Variants in POLR3B observed in about 807,000 individuals in gnomAD.
POLR3B encodes DNA-directed RNA polymerase III subunit RPC2.
POLR3B carries 96 observed loss-of-function variants against 147.4 expected under a neutral mutation model. The ratio of observed to expected loss-of-function variants is 0.65; its 90% CI spans 0.55 to 0.77. The LOEUF is 0.77. Ranked by LOEUF, POLR3B falls within the 30% of genes least tolerant of loss-of-function variation. POLR3B has a pLI of 0.00. For synonymous variants in POLR3B, 461 were observed against 485.9 expected (o/e 0.95, Z 0.67); for missense variants, 1,036 against 1,413.5 (o/e 0.73, Z 4.28).
At chr12:106,377,709 A>C (rs1267282241) in intron 7 of POLR3B, among the ~76,000 whole-genome samples, 1 of 152,156 alleles carries the variant, frequency 6.6e-6, no homozygotes, top group African/African-American at 2.4e-5. Flanking sequence ...GGGGCGGGTG[A>C]TTCATAGACC....
chr12:106,392,629 T>C (rs1340234246), intron 9 of POLR3B, among the ~76,000 whole-genome samples: 1 of 152,216 alleles, frequency 6.6e-6, no homozygotes, highest in Non-Finnish European at 1.5e-5. Flanking sequence ...ACAAGACTGA[T>C]TGGGGTTCTG....
intron 10 of POLR3B, among the ~76,000 whole-genome samples, chr12:106,396,131 T>G (rs1277513944): frequency 2.0e-5 from 3 of 152,214 alleles, no homozygotes; most frequent in Non-Finnish European, 4.4e-5. Flanking sequence ...GCATGTTATC[T>G]TGGCCTTTGC....
intron 23 of POLR3B, among the ~76,000 whole-genome samples, chr12:106,472,866 A>C (rs1239075537): frequency 7.5e-6 from 1 of 133,744 alleles, no homozygotes; most frequent in Non-Finnish European, 1.6e-5. Context: ...TCTTTAGTTT[A>C]ATGAGATCCC....
intron 5 of POLR3B, 77 bp from the exon 6 acceptor site, chr12:106,369,506 A>G (rs766518941): frequency 8.7e-6 from 9 of 1,037,806 alleles, no homozygotes; most frequent in Non-Finnish European, 1.4e-5. Flanking sequence ...ATTCTACTAC[A>G]GAAGGAGCAC....
chr12:106,477,268 C>T (rs1160587879), intron 23 of POLR3B, among the ~76,000 whole-genome samples: 1 of 103,166 alleles, frequency 9.7e-6, no homozygotes, highest in Non-Finnish European at 1.9e-5. Context: ...CTGCTCTCTT[C>T]AAAGCTGTCA....
intron 1 of POLR3B, among the ~76,000 whole-genome samples, chr12:106,361,195 T>C (rs1345041363): frequency 1.3e-5 from 2 of 152,034 alleles, no homozygotes; most frequent in East Asian, 3.9e-4. Flanking sequence ...GGAAGAGTAG[T>C]AAGGAAGTAT....
Position 106,430,387 on chromosome 12 carries a change from G to T in POLR3B, c.1378G>T (p.Glu460Ter), listed in dbSNP as rs370169112. ...GMMTRISSQF[E>*]KTRKVSGPRS... Reference sequence around the variant, plus strand: ...GATGACAAGAATCTCTTCCCAGTTTGAAAAAACGAGAAAAGTGAGTGGTCC... The same window carrying T: ...GATGACAAGAATCTCTTCCCAGTTTTAAAAAACGAGAAAAGTGAGTGGTCC... Residue 460 changes from glutamate to a stop codon, truncating the protein, a stop_gained, in exon 14 of 28, where the codon GAA becomes TAA. Transcript: ENST00000228347. LOFTEE classifies it high-confidence loss of function. 1 of 1,613,788 alleles carries T rather than the reference G, an allele frequency of 6.2e-7. No homozygotes were observed. Among genetic ancestry groups the T allele is most frequent in the African/African-American group, 1.3e-5 (1 of 74,888 alleles).
chr12:106,383,222 G>C (rs1855279172), intron 9 of POLR3B, among the ~76,000 whole-genome samples: 2 of 152,074 alleles, frequency 1.3e-5, no homozygotes, highest in African/African-American at 4.8e-5. Context: ...TGTTGTGGCT[G>C]GTTTGCTCTT....
At chr12:106,491,933 A>G (rs2038412269) in intron 23 of POLR3B, among the ~76,000 whole-genome samples, 1 of 152,208 alleles carries the variant, frequency 6.6e-6, no homozygotes, top group Non-Finnish European at 1.5e-5. Flanking sequence ...GACTTGCTAA[A>G]TAAAAATGTA....
chr12:106,420,886 C>G (rs2037365283), intron 12 of POLR3B, among the ~76,000 whole-genome samples: 1 of 152,102 alleles, frequency 6.6e-6, no homozygotes, highest in Non-Finnish European at 1.5e-5. Flanking sequence ...TATGTACCCC[C>G]TACTCCATTC....
chr12:106,405,999 GAAT>G (rs2037146396), intron 11 of POLR3B, 23 bp downstream of exon 11: 1 of 1,611,630 alleles, frequency 6.2e-7, no homozygotes, highest in African/African-American at 1.3e-5. Flanking sequence ...TCGTTATTGT[GAAT>G]AAGGACTGTG....
intron 10 of POLR3B, among the ~76,000 whole-genome samples, chr12:106,398,925 C>T (rs763472886): frequency 6.6e-6 from 1 of 152,156 alleles, no homozygotes; most frequent in African/African-American, 2.4e-5. Context: ...AATCACAGCA[C>T]CTCTCCTCCT....
chr12:106,429,169 C>CT lies in POLR3B; in HGVS notation c.1264-1096dup, dbSNP rs201211005. On this transcript the variant is annotated intron_variant, in intron 13 of 27. Coordinates refer to ENST00000228347, the MANE Select transcript of POLR3B (RefSeq NM_018082.6). ...CTTATTGTCTGCTTTGCTCTTTTTG[C>CT]TTTTTTTTGGACAGCATCTTACTTC... Among the ~76,000 whole-genome samples, 147 of 151,742 alleles carry CT rather than the reference C, an allele frequency of 9.7e-4. 1 individual carries two copies. In the Middle Eastern group the frequency reaches 0.017, roughly 18 times the overall value.
intron 2 of POLR3B, 116 bp downstream of exon 2, chr12:106,364,018 G>A (rs773294868): frequency 2.6e-6 from 2 of 761,914 alleles, no homozygotes; most frequent in Non-Finnish European, 4.5e-6. Context: ...TTGTATAGCT[G>A]TGTTTGGAAA....
chr12:106,404,554 G>T (rs2037124036), intron 10 of POLR3B, among the ~76,000 whole-genome samples: 1 of 152,032 alleles, frequency 6.6e-6, no homozygotes, highest in South Asian at 2.1e-4. Flanking sequence ...TTGGCTATTT[G>T]TATTTTCTTC....
intron 23 of POLR3B, among the ~76,000 whole-genome samples, chr12:106,477,895 T>TCCC (rs1565909298): frequency 4.4e-5 from 4 of 90,244 alleles, no homozygotes; most frequent in African/African-American, 2.0e-4. Context: ...CCTCCCCTTT[T>TCCC]TTTTTTTTTT....
rs138257827 is a variant in POLR3B, at chr12:106,409,346, G to GTTTTTTTTTTT, written c.967-1472_967-1471insTTTTTTTTTTT. Among the ~76,000 whole-genome samples, 42 of 67,472 alleles carry GTTTTTTTTTTT rather than the reference G, an allele frequency of 6.2e-4. 7 individuals carry two copies. The highest frequency in any genetic ancestry group is 2.9e-3 in the African/African-American group (36 of 12,382). 44.3% of individuals were successfully genotyped at this position (67,472 alleles called of 152,430 possible). On this transcript the variant is annotated intron_variant, in intron 11 of 27. Coordinates refer to ENST00000228347, the MANE Select transcript of POLR3B (RefSeq NM_018082.6). ...TAACTGGTGTTACGATTGTAAGAGG[G>GTTTTTTTTTTT]TTTTTTTTGTTTTTTTTTTTTTTTT... is the stretch of plus-strand genomic sequence containing the variant.
intron 12 of POLR3B, among the ~76,000 whole-genome samples, chr12:106,412,776 A>G (rs924960812): frequency 6.6e-6 from 1 of 152,184 alleles, no homozygotes; most frequent in Non-Finnish European, 1.5e-5. Context: ...TTGAGTCACT[A>G]CACATTCCTA....
At chr12:106,358,239 C>T in intron 1 of POLR3B, 3 of 1,373,942 alleles carry the variant, frequency 2.2e-6, no homozygotes, top group Non-Finnish European at 2.8e-6. Flanking sequence ...GTGGGGAGGA[C>T]TGACCCTCGC....
Sources: gnomAD v4.1 joint callset for allele counts (sites outside exome capture counted in the v4.1 genomes callset) on GRCh38, gnomAD v4.1.1 for gene constraint, MANE v1.5 for transcripts, NCBI Gene and HGNC (gene_info 2026-07-23, HGNC 2026-07-21) for gene names.